SCAPER: variants seen among roughly 807,000 people sequenced by gnomAD.
SCAPER encodes the protein S-phase cyclin A associated protein in the ER.
A neutral mutation model predicts 182.2 loss-of-function variants in SCAPER; 98 were observed. The ratio of observed to expected loss-of-function variants is 0.54; its 90% CI spans 0.46 to 0.64. The LOEUF (loss-of-function observed/expected upper bound fraction) is 0.64, where lower values mean the gene tolerates loss of function less well. Among genes scored for constraint, SCAPER ranks in the 30% least tolerant of loss-of-function variants. The pLI is 0.00. For synonymous variants in SCAPER, 605 were observed against 564.6 expected (o/e 1.07, Z -1.01); for missense variants, 1,432 against 1,690.0 (o/e 0.85, Z 2.68).
At chr15:76,718,121 AT>A (rs1437156337) in intron 17 of SCAPER, among the ~76,000 whole-genome samples, 4 of 152,228 alleles carry the variant, frequency 2.6e-5, no homozygotes, top group Non-Finnish European at 5.9e-5. Flanking sequence ...AATAAAATGA[AT>A]CCTGAAAATT....
chr15:76,471,968 T>C (rs1234593070), intron 24 of SCAPER: 1 of 191,954 alleles, frequency 5.2e-6, no homozygotes, highest in African/African-American at 2.4e-5. Flanking sequence ...GTTAAAAAAA[T>C]ATGCTGAAAA....
intron 18 of SCAPER, among the ~76,000 whole-genome samples, chr15:76,704,557 C>A (rs1295470697): frequency 6.6e-6 from 1 of 152,126 alleles, no homozygotes; most frequent in Non-Finnish European, 1.5e-5. Context: ...CCAGTTTTCC[C>A]AGCACCATTT....
chr15:76,588,557 T>C (rs2048859207), intron 22 of SCAPER, among the ~76,000 whole-genome samples: 1 of 152,258 alleles, frequency 6.6e-6, no homozygotes, highest in African/African-American at 2.4e-5. Context: ...TCTGCAATTC[T>C]GTATCTTTTG....
chr15:76,358,480 G>A (rs2041163982), intron 29 of SCAPER, among the ~76,000 whole-genome samples: 1 of 152,252 alleles, frequency 6.6e-6, no homozygotes, highest in African/African-American at 2.4e-5. Context: ...GAGGCTGCAA[G>A]TCTGGTATCA....
intron 27 of SCAPER, among the ~76,000 whole-genome samples, chr15:76,394,017 A>C (rs767822040): frequency 6.6e-6 from 1 of 152,220 alleles, no homozygotes; most frequent in Non-Finnish European, 1.5e-5. Flanking sequence ...CCTGACCCAC[A>C]GAATCTGTGA....
At chr15:76,886,245 C>T (rs1032027102) in intron 1 of SCAPER, among the ~76,000 whole-genome samples, 2 of 152,164 alleles carry the variant, frequency 1.3e-5, no homozygotes, top group African/African-American at 4.8e-5. Context: ...ACTGGGAGGC[C>T]GAGGTGGGCA....
Position 76,753,914 on chromosome 15 carries a change from A to G in SCAPER, c.1760T>C (p.Leu587Pro), listed in dbSNP as rs1229207013. ...TTCCATCATCCTGCGTCGTTGATCT[A>G]GCAATTCTTCCTTCCACTTCCGGAC... ...KDVRKWKEEL[L>P]DQRRRMMEEK... Residue 587 changes from leucine to proline, a missense_variant, in exon 15 of 32, where the codon CTA becomes CCA. Physicochemically the swap from Leu to Pro is moderately conservative, Grantham distance 98. This residue lies in a region of SCAPER where 88 missense variants were observed against 184.2 expected (regional missense o/e 0.48). Coordinates refer to ENST00000563290, the MANE Select transcript of SCAPER (RefSeq NM_020843.4). The G allele has an allele frequency of 2.5e-6, 4 of 1,612,924 alleles. No individual in the cohort carries two copies. Among genetic ancestry groups the G allele is most frequent in the Non-Finnish European group, 3.4e-6 (4 of 1,179,284 alleles).
At chr15:76,376,421 A>G in intron 28 of SCAPER, 110 bp from the exon 29 acceptor site, 1 of 1,196,336 alleles carries the variant, frequency 8.4e-7, no homozygotes, top group Non-Finnish European at 1.2e-6. Context: ...GTGGAAAAAC[A>G]TGACATTTCT....
At chr15:76,750,792 T>C (rs1447340758) in intron 15 of SCAPER, among the ~76,000 whole-genome samples, 1 of 151,922 alleles carries the variant, frequency 6.6e-6, no homozygotes, top group Non-Finnish European at 1.5e-5. Context: ...TCATATTCAA[T>C]GGTAAAAGAC....
intron 25 of SCAPER, among the ~76,000 whole-genome samples, chr15:76,464,374 T>C (rs546646356): frequency 3.0e-4 from 46 of 152,244 alleles, no homozygotes; most frequent in Middle Eastern, 3.4e-3. Context: ...TTCCATTGTT[T>C]GTACAGTTGT....
intron 8 of SCAPER, among the ~76,000 whole-genome samples, chr15:76,780,278 G>A (rs963533748): frequency 7.9e-5 from 12 of 152,264 alleles, no homozygotes; most frequent in Non-Finnish European, 1.6e-4. Context: ...CTCACTGCTA[G>A]CGCAGCAGTC....
chr15:76,757,199 T>TG (rs1318133744), intron 14 of SCAPER, among the ~76,000 whole-genome samples: 1 of 152,210 alleles, frequency 6.6e-6, no homozygotes, highest in East Asian at 1.9e-4. Flanking sequence ...ACTACAGTCA[T>TG]GATGTTGTAC....
chr15:76,606,073 T>C (rs1250868961), intron 22 of SCAPER, among the ~76,000 whole-genome samples: 1 of 152,230 alleles, frequency 6.6e-6, no homozygotes, highest in Non-Finnish European at 1.5e-5. Flanking sequence ...CTTTTGAATG[T>C]GGTTGCCCTT....
At chr15:76,805,266 A>G (rs2066068836) in intron 5 of SCAPER, among the ~76,000 whole-genome samples, 1 of 152,114 alleles carries the variant, frequency 6.6e-6, no homozygotes, top group African/African-American at 2.4e-5. Context: ...CATGTTTTCA[A>G]TTCTCTTGGG....
intron 23 of SCAPER, among the ~76,000 whole-genome samples, chr15:76,551,263 G>A (rs1248287856): frequency 6.6e-6 from 1 of 152,096 alleles, no homozygotes; most frequent in Non-Finnish European, 1.5e-5. Flanking sequence ...GCACTCCTAT[G>A]TTTATTGCAG....
At chr15:76,463,629 ACTG>A (rs1323411121) in intron 25 of SCAPER, among the ~76,000 whole-genome samples, 6 of 152,200 alleles carry the variant, frequency 3.9e-5, no homozygotes, top group African/African-American at 1.4e-4. Flanking sequence ...TAAAAATAAG[ACTG>A]CTAATAAAAT....
intron 25 of SCAPER, among the ~76,000 whole-genome samples, chr15:76,450,822 C>T (rs1478718001): frequency 6.6e-6 from 1 of 152,076 alleles, no homozygotes; most frequent in Non-Finnish European, 1.5e-5. Context: ...CCAAAGTGTT[C>T]GGATTACATG....
intron 24 of SCAPER, among the ~76,000 whole-genome samples, chr15:76,486,133 G>T (rs1326413418): frequency 1.3e-5 from 2 of 152,086 alleles, no homozygotes; most frequent in African/African-American, 4.8e-5. Context: ...CATGAACCCG[G>T]GAGGCAGAGC....
At chr15:76,561,872 G>A (rs1307895234) in intron 23 of SCAPER, among the ~76,000 whole-genome samples, 3 of 150,928 alleles carry the variant, frequency 2.0e-5, no homozygotes, top group Admixed American at 6.6e-5. Context: ...GGCCAGGTGC[G>A]GGGTGGCTCA....
Sources: allele counts gnomAD v4.1 joint callset (sites outside exome capture counted in the v4.1 genomes callset), GRCh38; gene constraint gnomAD v4.1.1; regional missense constraint gnomAD v4.1.1; transcripts MANE v1.5; gene names NCBI Gene and HGNC (gene_info 2026-07-23, HGNC 2026-07-21).